LNX1: variants seen among roughly 807,000 people sequenced by gnomAD.
LNX1 encodes the protein E3 ubiquitin-protein ligase LNX.
In LNX1, 54 loss-of-function variants were observed where a neutral mutation model predicts 68.4. The observed-to-expected ratio is 0.79, with a 90% CI of 0.63 to 0.99. The LOEUF (loss-of-function observed/expected upper bound fraction) is 0.99. Among genes scored for constraint, LNX1 ranks in the 50% least tolerant of loss-of-function variants. The pLI is 0.00. For missense variants in LNX1, 906 were observed against 926.4 expected (o/e 0.98, Z 0.29); for synonymous variants, 336 against 350.0 (o/e 0.96, Z 0.45).
intron 1 of LNX1, among the ~76,000 whole-genome samples, chr4:53,589,789 C>A (rs1732393926): frequency 6.6e-6 from 1 of 152,246 alleles, no homozygotes; most frequent in Non-Finnish European, 1.5e-5. Flanking sequence ...AACAGACCAA[C>A]TGCATTCTAG....
At chr4:53,554,117 G>C (rs781295462) in intron 2 of LNX1, among the ~76,000 whole-genome samples, 1 of 152,144 alleles carries the variant, frequency 6.6e-6, no homozygotes, top group Non-Finnish European at 1.5e-5. Flanking sequence ...TTAGGGAGAG[G>C]GTCCTAAGCA....
intron 2 of LNX1, among the ~76,000 whole-genome samples, chr4:53,564,960 C>T (rs1730554894): frequency 6.6e-6 from 1 of 152,198 alleles, no homozygotes; most frequent in South Asian, 2.1e-4. Flanking sequence ...AAATGGCGCA[C>T]CACGAGATTA....
At chr4:53,475,985 T>C (rs999811175) in intron 9 of LNX1, among the ~76,000 whole-genome samples, 13 of 152,160 alleles carry the variant, frequency 8.5e-5, no homozygotes, top group Non-Finnish European at 1.6e-4. Context: ...TTGTTTTATG[T>C]GCAGCCAAGG....
At chr4:53,462,364 A>C (rs1233596027) in intron 9 of LNX1, among the ~76,000 whole-genome samples, 2 of 152,080 alleles carry the variant, frequency 1.3e-5, no homozygotes. Context: ...AGTGTTAACT[A>C]TGTTATAATT....
chr4:53,482,965 C>T (rs1489543059), intron 6 of LNX1, among the ~76,000 whole-genome samples: 1 of 152,172 alleles, frequency 6.6e-6, no homozygotes, highest in Non-Finnish European at 1.5e-5. Flanking sequence ...GATATTTGGA[C>T]AGGCATTCAG....
At position 53,622,856 on chromosome 4, in the gene LNX1, C is replaced by T. The variant is rs1394477969; in HGVS notation, c.-215+29312G>A. Among the ~76,000 whole-genome samples, 3 of 152,154 alleles carry T rather than the reference C, an allele frequency of 2.0e-5. No individual in the cohort carries two copies. The East Asian group carries it at 5.8e-4, about 29-fold the overall frequency. ...CTGCCACAGGACTTGGAAATCTGAC[C>T]TATGTAACTGGAAGCCAATAGCATT... On this transcript the variant is annotated intron_variant, in intron 1 of 2. Coordinates refer to the LNX1 transcript ENST00000507168.
At chr4:53,552,973 A>G (rs1729621959) in intron 2 of LNX1, among the ~76,000 whole-genome samples, 1 of 152,214 alleles carries the variant, frequency 6.6e-6, no homozygotes, top group Non-Finnish European at 1.5e-5. Context: ...TTGTATCATT[A>G]TGAGCAAGGT....
At chr4:53,476,605 A>T in intron 9 of LNX1, 148 bp downstream of exon 9, 1 of 728,404 alleles carries the variant, frequency 1.4e-6, no homozygotes, top group Non-Finnish European at 2.4e-6. Context: ...ACAAATGGGA[A>T]GAGAGAATTA....
At chr4:53,481,985 T>G (rs1723948604) in intron 6 of LNX1, 131 bp from the exon 7 acceptor site, 16 of 1,175,124 alleles carry the variant, frequency 1.4e-5, no homozygotes, top group Non-Finnish European at 1.4e-5. Context: ...GTTTGTTGGG[T>G]TTTTTTGTTA....
intron 1 of LNX1, among the ~76,000 whole-genome samples, chr4:53,643,372 A>C (rs1734762164): frequency 1.3e-5 from 2 of 151,638 alleles, no homozygotes; most frequent in Admixed American, 6.6e-5. Context: ...CTGATCTCAA[A>C]CTCCCGGGCT....
intron 2 of LNX1, among the ~76,000 whole-genome samples, chr4:53,527,440 A>G (rs6822208): frequency 0.03 from 4,550 of 152,076 alleles, 221 homozygotes; most frequent in African/African-American, 0.1. Flanking sequence ...ATTCCCCCAC[A>G]CCCATAATTA....
chr4:53,516,193 G>A (rs1726769342), intron 2 of LNX1, among the ~76,000 whole-genome samples: 1 of 152,138 alleles, frequency 6.6e-6, no homozygotes, highest in African/African-American at 2.4e-5. Flanking sequence ...AGTAGGCCAT[G>A]ACTGGGCTAC....
intron 1 of LNX1, among the ~76,000 whole-genome samples, chr4:53,651,900 G>T (rs1315771898): frequency 6.6e-6 from 1 of 152,110 alleles, no homozygotes; most frequent in Admixed American, 6.5e-5. Flanking sequence ...TTTAATGAAG[G>T]CCACTGCAGA....
At chr4:53,536,303 G>A (rs1239164077) in intron 2 of LNX1, among the ~76,000 whole-genome samples, 10 of 143,994 alleles carry the variant, frequency 6.9e-5, no homozygotes, top group Non-Finnish European at 1.4e-4. Flanking sequence ...CTACCTCGCA[G>A]TGCGAATGAA....
chr4:53,636,222 A>C (rs1285330477), intron 1 of LNX1, among the ~76,000 whole-genome samples: 1 of 108,644 alleles, frequency 9.2e-6, no homozygotes, highest in Non-Finnish European at 1.7e-5. Flanking sequence ...GGGGAGAAGG[A>C]GTGGTGGTGA....
chr4:53,481,573 T>C, intron 7 of LNX1, 147 bp downstream of exon 7: 2 of 900,182 alleles, frequency 2.2e-6, no homozygotes, highest in Non-Finnish European at 3.2e-6. Flanking sequence ...AAGTCTTAAA[T>C]ATGGGACTTT....
At chr4:53,614,382 G>A (rs1733608511) in intron 2 of LNX1, among the ~76,000 whole-genome samples, 1 of 152,088 alleles carries the variant, frequency 6.6e-6, no homozygotes, top group Admixed American at 6.6e-5. Context: ...AAGCCTCCAA[G>A]ATTCTTCTGG....
chr4:53,569,727 A>G (rs1208941233), intron 2 of LNX1, among the ~76,000 whole-genome samples: 3 of 148,578 alleles, frequency 2.0e-5, no homozygotes, highest in African/African-American at 7.5e-5. Context: ...TGAACAGGCA[A>G]CCTACAAAAT....
chr4:53,478,742 G>T lies in LNX1; in HGVS notation c.1486C>A (p.Pro496Thr). 1 of 1,612,286 alleles carries T rather than the reference G, an allele frequency of 6.2e-7. No homozygotes were observed. Among genetic ancestry groups the T allele is most frequent in the African/African-American group, 1.3e-5 (1 of 74,996 alleles). Residue 496 changes from proline (P) to threonine (T), a missense_variant and splice_region_variant, in exon 8 of 11, where the codon CCC becomes ACC. Transcript: ENST00000263925. ...GPGERSNTPK[P>T]LHPTITCHEK... is the part of the protein sequence containing the mutation. ...TGACAAGTAATTGTAGGATGGAGGG[G>T]CTGAAGGCACAGATGGAAAAACATG...
Sources: allele counts gnomAD v4.1 joint callset (sites outside exome capture counted in the v4.1 genomes callset), GRCh38; gene constraint gnomAD v4.1.1; transcripts MANE v1.5; gene names NCBI Gene and HGNC (gene_info 2026-07-23, HGNC 2026-07-21).